Variants in TFEC observed in about 807,000 individuals in gnomAD.
TFEC encodes class E basic helix-loop-helix protein 34.
Under a neutral mutation model 41.6 loss-of-function variants are expected in TFEC, and 31 were observed. The observed-to-expected ratio is 0.74, with a 90% CI of 0.56 to 1.01. The LOEUF is 1.01. Among genes scored for constraint, TFEC ranks in the 50% least tolerant of loss-of-function variants. TFEC has a pLI of 0.00. For missense variants in TFEC, 402 were observed against 404.1 expected (o/e 0.99, Z 0.04); for synonymous variants, 143 against 140.6 (o/e 1.02, Z -0.12).
chr7:115,942,075 G>T (rs1205608989), intron 6 of TFEC, 35 bp from the exon 7 acceptor site: 2 of 1,569,566 alleles, frequency 1.3e-6, no homozygotes, highest in Non-Finnish European at 8.6e-7. Flanking sequence ...TCACAATTGT[G>T]CATGTCAGCA....
chr7:116,107,273 A>G (rs1018580302), intron 3 of TFEC, among the ~76,000 whole-genome samples: 1 of 152,068 alleles, frequency 6.6e-6, no homozygotes, highest in Admixed American at 6.6e-5. Context: ...ATAACAGACC[A>G]TCCCCTCCCT....
At chr7:115,975,275 C>T (rs944586566) in intron 2 of TFEC, among the ~76,000 whole-genome samples, 1 of 151,908 alleles carries the variant, frequency 6.6e-6, no homozygotes, top group Non-Finnish European at 1.5e-5. Flanking sequence ...CCATCATATT[C>T]CATTTAGTTA....
chr7:115,977,909 AAC>A (rs1491175893), intron 2 of TFEC, among the ~76,000 whole-genome samples: 11 of 73,858 alleles, frequency 1.5e-4, no homozygotes, highest in Non-Finnish European at 2.5e-4. Flanking sequence ...TGTAGAAAAA[AAC>A]ATAATGATGA....
chr7:116,065,998 A>G lies in TFEC; in HGVS notation c.198+44710T>C, dbSNP rs142779969. On this transcript the variant is annotated intron_variant, in intron 3 of 8. Coordinates refer to the TFEC transcript ENST00000484212. The stretch of plus-strand genomic sequence containing the variant: ...TATTGGATTGCCTGAAGAAAAAAAT[A>G]CATCAAACAGAAATAGCTATACCAG... Among the ~76,000 whole-genome samples, 10 of 152,262 alleles carry G rather than the reference A, an allele frequency of 6.6e-5. No individual in the cohort carries two copies. The East Asian group carries it at 1.9e-3, about 29-fold the overall frequency.
intron 3 of TFEC, among the ~76,000 whole-genome samples, chr7:116,036,196 A>C (rs548644893): frequency 6.6e-6 from 1 of 152,100 alleles, no homozygotes; most frequent in South Asian, 2.1e-4. Context: ...TCTTTGTGTT[A>C]TAGTTCTGTC....
At chr7:116,045,204 C>T (rs1562949406) in intron 3 of TFEC, among the ~76,000 whole-genome samples, 1 of 152,128 alleles carries the variant, frequency 6.6e-6, no homozygotes, top group Admixed American at 6.5e-5. Context: ...ACAATATGGA[C>T]AATAAGGTCC....
intron 6 of TFEC, among the ~76,000 whole-genome samples, chr7:115,950,409 G>A (rs1217220692): frequency 1.3e-5 from 2 of 152,112 alleles, no homozygotes; most frequent in Non-Finnish European, 2.9e-5. Context: ...AGCCTGGTCA[G>A]CATCAATCAA....
chr7:116,111,609 T>C (rs912296484), intron 2 of TFEC, among the ~76,000 whole-genome samples: 1 of 152,032 alleles, frequency 6.6e-6, no homozygotes, highest in Non-Finnish European at 1.5e-5. Context: ...AGTGCTGTCC[T>C]GGAAGTAACC....
At chr7:116,105,023 C>T (rs1260167193) in intron 3 of TFEC, among the ~76,000 whole-genome samples, 1 of 152,106 alleles carries the variant, frequency 6.6e-6, no homozygotes, top group African/African-American at 2.4e-5. Context: ...CCTCTATATA[C>T]ATCTCTTGGT....
intron 3 of TFEC, among the ~76,000 whole-genome samples, chr7:115,970,686 A>G (rs1307100359): frequency 1.3e-5 from 2 of 151,954 alleles, no homozygotes; most frequent in African/African-American, 2.4e-5. Context: ...TGGTAGGGCT[A>G]GCTTTAGATA....
Position 115,968,310 on chromosome 7 carries a change from A to G in TFEC, c.267+5860T>C, listed in dbSNP as rs1166183704. 5 of 1,495,418 alleles carry G rather than the reference A, an allele frequency of 3.3e-6. No homozygotes were observed. In the East Asian group the frequency reaches 7.4e-5, roughly 22 times the overall value. 92.6% of individuals were successfully genotyped at this position (1,495,418 alleles called of 1,614,324 possible). The stretch of plus-strand genomic sequence containing the variant: ...AGAACTGTGTGGAAACTTCTACACT[A>G]AAGTGAACTTTGGTTCTTCTTTGGA... On this transcript the variant is annotated intron_variant, in intron 3 of 7. Coordinates refer to ENST00000265440, the MANE Select transcript of TFEC (RefSeq NM_012252.4).
intron 1 of TFEC, among the ~76,000 whole-genome samples, chr7:115,986,171 C>G (rs1793845550): frequency 6.6e-6 from 1 of 152,134 alleles, no homozygotes. Flanking sequence ...AGTTTACAAT[C>G]TATTGGGAAG....
In TFEC at chr7:115,963,439, G is replaced by A. The variant is rs143258714; in HGVS notation, c.268-6646C>T. Among the ~76,000 whole-genome samples the A allele has an allele frequency of 3.5e-3, 528 of 151,824 alleles. 1 individual carries two copies. The highest frequency in any genetic ancestry group is 0.012 in the African/African-American group (512 of 41,480). ...ATCCAGTAATTTCACTTCTAAGTATGTATCCAAAAGAATTGAAAGCAGGGA... is the reference window on the plus strand; with the variant it reads ...ATCCAGTAATTTCACTTCTAAGTATATATCCAAAAGAATTGAAAGCAGGGA... On this transcript the variant is annotated intron_variant, in intron 3 of 7. Coordinates refer to ENST00000265440, the MANE Select transcript of TFEC (RefSeq NM_012252.4).
At chr7:116,011,982 C>A (rs1053713725) in intron 1 of TFEC, among the ~76,000 whole-genome samples, 1 of 152,204 alleles carries the variant, frequency 6.6e-6, no homozygotes, top group Admixed American at 6.6e-5. Context: ...ATCTGCAGAA[C>A]CATGAGCCAA....
At chr7:116,099,320 A>G (rs1213187869) in intron 3 of TFEC, among the ~76,000 whole-genome samples, 4 of 152,190 alleles carry the variant, frequency 2.6e-5, no homozygotes, top group African/African-American at 9.6e-5. Flanking sequence ...ATGTTAAATA[A>G]TTAGGAAAGT....
chr7:116,040,110 T>C (rs939626330), intron 3 of TFEC, among the ~76,000 whole-genome samples: 2 of 152,146 alleles, frequency 1.3e-5, no homozygotes, highest in Admixed American at 6.6e-5. Context: ...AATGGTGTCC[T>C]GAAACCTTTT....
chr7:116,073,834 T>A (rs118180614), intron 3 of TFEC, among the ~76,000 whole-genome samples: 1 of 151,832 alleles, frequency 6.6e-6, no homozygotes, highest in Non-Finnish European at 1.5e-5. Flanking sequence ...ATAATAGACA[T>A]AGATCAATAG....
intron 3 of TFEC, among the ~76,000 whole-genome samples, chr7:116,057,574 G>T (rs1584463027): frequency 6.6e-6 from 1 of 151,384 alleles, no homozygotes; most frequent in Non-Finnish European, 1.5e-5. Flanking sequence ...TGAAAAGACT[G>T]GAAAGAGTAA....
At chr7:116,154,120 A>G (rs1798820413) in intron 1 of TFEC, among the ~76,000 whole-genome samples, 1 of 152,184 alleles carries the variant, frequency 6.6e-6, no homozygotes, top group Non-Finnish European at 1.5e-5. Flanking sequence ...TTAGTTATGC[A>G]TCTTGAACTC....
Sources: allele counts gnomAD v4.1 joint callset (sites outside exome capture counted in the v4.1 genomes callset), GRCh38; gene constraint gnomAD v4.1.1; transcripts MANE v1.5; gene names NCBI Gene and HGNC (gene_info 2026-07-23, HGNC 2026-07-21).